The following DOCK1 variants were observed in gnomAD, a reference collection of about 807,000 sequenced individuals.
DOCK1 encodes the protein dedicator of cytokinesis protein 1.
In DOCK1, 138 loss-of-function variants were observed where a neutral mutation model predicts 262.7. The ratio of observed to expected loss-of-function variants is 0.53; its 90% CI spans 0.46 to 0.61. DOCK1 has a LOEUF of 0.61. Among genes scored for constraint, DOCK1 ranks in the 20% least tolerant of loss-of-function variants. The pLI, the probability that DOCK1 is intolerant of heterozygous loss-of-function variation, is 0.00. For missense variants in DOCK1, 1,908 were observed against 2,370.7 expected (o/e 0.80, Z 4.05); for synonymous variants, 866 against 867.4 (o/e 1.00, Z 0.03).
chr10:127,366,836 G>A (rs1207653794), intron 33 of DOCK1, among the ~76,000 whole-genome samples: 1 of 152,134 alleles, frequency 6.6e-6, no homozygotes, highest in Non-Finnish European at 1.5e-5. Flanking sequence ...ACGTCAGCAG[G>A]GGCTTAAGTT....
chr10:126,911,656 A>G (rs1427490154), intron 1 of DOCK1, among the ~76,000 whole-genome samples: 5 of 152,176 alleles, frequency 3.3e-5, no homozygotes, highest in Non-Finnish European at 7.3e-5. Context: ...CATATGACCC[A>G]GGGTGAGTGT....
At chr10:127,118,080 A>T (rs985438293) in intron 25 of DOCK1, among the ~76,000 whole-genome samples, 13 of 151,990 alleles carry the variant, frequency 8.6e-5, no homozygotes, top group Non-Finnish European at 1.5e-5. Context: ...ATGGGCCAAG[A>T]CCTATGTTTT....
At chr10:127,122,407 C>T (rs2049652224) in intron 25 of DOCK1, among the ~76,000 whole-genome samples, 1 of 152,074 alleles carries the variant, frequency 6.6e-6, no homozygotes, top group Admixed American at 6.5e-5. Flanking sequence ...GTTTTGGGGT[C>T]GGGGTGGAGT....
intron 13 of DOCK1, 41 bp downstream of exon 13, chr10:127,018,876 G>A (rs1317420929): frequency 6.2e-7 from 1 of 1,606,922 alleles, no homozygotes; most frequent in Non-Finnish European, 8.5e-7. Flanking sequence ...CATGGCATGG[G>A]GGTAGCCGGC....
intron 27 of DOCK1, among the ~76,000 whole-genome samples, chr10:127,162,419 A>T (rs2053664807): frequency 6.6e-6 from 1 of 152,228 alleles, no homozygotes; most frequent in South Asian, 2.1e-4. Context: ...CATATAGATT[A>T]AAGGATTTTG....
intron 31 of DOCK1, among the ~76,000 whole-genome samples, chr10:127,349,653 G>A (rs938319514): frequency 5.9e-5 from 9 of 152,194 alleles, no homozygotes; most frequent in African/African-American, 1.7e-4. Flanking sequence ...TGAATTGATT[G>A]TCTCACAGTT....
intron 4 of DOCK1, among the ~76,000 whole-genome samples, chr10:126,983,492 A>T (rs2039128641): frequency 6.6e-6 from 1 of 151,772 alleles, no homozygotes; most frequent in Non-Finnish European, 1.5e-5. Context: ...CTCTTTCAGG[A>T]TCTGTCTCTT....
rs999653899 is a variant in DOCK1, at chr10:127,220,934, A to T, written c.2848-27074A>T. On this transcript the variant is annotated intron_variant, in intron 27 of 51. Coordinates refer to ENST00000623213, the MANE Select transcript of DOCK1 (RefSeq NM_001290223.2). ...CTCTCTCTATGCCGATGCTTTCAGC[A>T]TCCTCAGAATAGCAGCTGGAAGGCA... Among the ~76,000 whole-genome samples, 8 of 152,234 alleles carry T rather than the reference A, an allele frequency of 5.3e-5. No individual in the cohort carries two copies. The South Asian group carries it at 8.3e-4, about 16-fold the overall frequency.
chr10:127,005,824 A>G (rs1439541016), intron 10 of DOCK1, among the ~76,000 whole-genome samples: 1 of 152,026 alleles, frequency 6.6e-6, no homozygotes, highest in Non-Finnish European at 1.5e-5. Context: ...TAACTGATTG[A>G]TTTTTTAATG....
intron 27 of DOCK1, among the ~76,000 whole-genome samples, chr10:127,241,099 G>C (rs2059248123): frequency 6.6e-6 from 1 of 152,174 alleles, no homozygotes; most frequent in African/African-American, 2.4e-5. Flanking sequence ...AAGGCGGGTG[G>C]ATCACCTGAG....
chr10:127,363,992 C>G (rs945477279), intron 33 of DOCK1, among the ~76,000 whole-genome samples: 7 of 152,196 alleles, frequency 4.6e-5, no homozygotes, highest in African/African-American at 1.7e-4. Context: ...TAAAATCAGA[C>G]CTGTACAATC....
chr10:126,973,294 T>C (rs2038258710), intron 2 of DOCK1, among the ~76,000 whole-genome samples: 1 of 151,386 alleles, frequency 6.6e-6, no homozygotes, highest in African/African-American at 2.4e-5. Context: ...GGTGGTGCAA[T>C]TTCAGCTCAC....
At chr10:127,402,939 A>G in intron 38 of DOCK1, 116 bp from the exon 39 acceptor site, 1 of 976,354 alleles carries the variant, frequency 1.0e-6, no homozygotes, top group South Asian at 1.5e-5. Flanking sequence ...TATTCCCATA[A>G]TGTTTCATTC....
At chr10:127,392,642 C>G (rs1009007213) in intron 38 of DOCK1, among the ~76,000 whole-genome samples, 3 of 152,172 alleles carry the variant, frequency 2.0e-5, no homozygotes, top group Non-Finnish European at 4.4e-5. Flanking sequence ...CCCAGACTTT[C>G]CACAAAGTTC....
intron 1 of DOCK1, among the ~76,000 whole-genome samples, chr10:126,911,744 G>A (rs2031798722): frequency 1.3e-5 from 2 of 152,178 alleles, no homozygotes; most frequent in Admixed American, 1.3e-4. Context: ...GCTTCACTGA[G>A]GTTGGGCTGA....
At chr10:127,217,736 G>C (rs900878089) in intron 27 of DOCK1, among the ~76,000 whole-genome samples, 1 of 152,132 alleles carries the variant, frequency 6.6e-6, no homozygotes, top group Non-Finnish European at 1.5e-5. Context: ...TACCTTTATG[G>C]GGACTTGGCC....
intron 29 of DOCK1, among the ~76,000 whole-genome samples, chr10:127,333,604 C>G (rs956561953): frequency 2.0e-5 from 3 of 152,210 alleles, no homozygotes; most frequent in Non-Finnish European, 2.9e-5. Flanking sequence ...CTGGAGCCCA[C>G]GCACTGCATC....
intron 29 of DOCK1, among the ~76,000 whole-genome samples, chr10:127,293,929 C>T (rs117939408): frequency 1.5e-3 from 227 of 152,350 alleles, no homozygotes; most frequent in Non-Finnish European, 2.6e-3. Context: ...TCCAGTATGC[C>T]CTGAGAACCC....
At chr10:127,333,925 G>C (rs914422443) in intron 29 of DOCK1, among the ~76,000 whole-genome samples, 7 of 152,180 alleles carry the variant, frequency 4.6e-5, no homozygotes, top group African/African-American at 1.7e-4. Flanking sequence ...AACAAAACCT[G>C]TAGGTTCAAA....
Sources: allele counts gnomAD v4.1 joint callset (sites outside exome capture counted in the v4.1 genomes callset), GRCh38; gene constraint gnomAD v4.1.1; transcripts MANE v1.5; gene names NCBI Gene and HGNC (gene_info 2026-07-23, HGNC 2026-07-21).